FGD5: variants seen among roughly 807,000 people sequenced by gnomAD.
FGD5 encodes the protein FYVE, RhoGEF and PH domain-containing protein 5.
FGD5 carries 28 observed loss-of-function variants against 133.4 expected under a neutral mutation model. That is an observed-to-expected ratio of 0.21 (90% CI 0.16 to 0.29). The LOEUF is 0.29. Among genes scored for constraint, FGD5 ranks in the 10% least tolerant of loss-of-function variants. FGD5 has a pLI of 1.00. For synonymous variants in FGD5, 810 were observed against 776.5 expected, an observed-to-expected ratio of 1.04 and a Z score of -0.72; for missense variants, 1,858 against 1,895.2, an observed-to-expected ratio of 0.98 and a Z score of 0.36.
intron 1 of FGD5, among the ~76,000 whole-genome samples, chr3:14,842,268 G>A (rs1450529529): frequency 3.3e-5 from 5 of 152,186 alleles, no homozygotes; most frequent in African/African-American, 1.2e-4. Flanking sequence ...TTTACTGGGG[G>A]ACCAGGAACT....
At chr3:14,933,051 G>C (rs986957173) in intron 19 of FGD5, 80 bp from the exon 20 acceptor site, 1 of 1,477,308 alleles carries the variant, frequency 6.8e-7, no homozygotes, top group Admixed American at 1.9e-5. Flanking sequence ...GAATCTACTA[G>C]TCCAGTCTTT....
chr3:14,822,474 G>A (rs555438447), intron 1 of FGD5, among the ~76,000 whole-genome samples: 1 of 151,138 alleles, frequency 6.6e-6, no homozygotes, highest in South Asian at 2.1e-4. Context: ...GTCTTTAAGA[G>A]CTACATCCAA....
intron 11 of FGD5, among the ~76,000 whole-genome samples, chr3:14,916,445 T>C (rs1316715315): frequency 6.6e-6 from 1 of 152,180 alleles, no homozygotes; most frequent in African/African-American, 2.4e-5. Flanking sequence ...TCAACAAATA[T>C]TAATTGAGCA....
intron 4 of FGD5, among the ~76,000 whole-genome samples, chr3:14,891,063 T>C (rs2038016366): frequency 6.6e-6 from 1 of 152,162 alleles, no homozygotes; most frequent in South Asian, 2.1e-4. Flanking sequence ...TGTCAGACAA[T>C]GCCCACACAA....
intron 11 of FGD5, among the ~76,000 whole-genome samples, chr3:14,911,792 C>T (rs939984351): frequency 6.8e-6 from 1 of 147,602 alleles, no homozygotes; most frequent in African/African-American, 2.5e-5. Context: ...TCTCGGGTGC[C>T]GTGGAAGCAA....
At chr3:14,826,645 TTAAG>T (rs1452550283) in intron 1 of FGD5, among the ~76,000 whole-genome samples, 1 of 152,236 alleles carries the variant, frequency 6.6e-6, no homozygotes, top group Non-Finnish European at 1.5e-5. Flanking sequence ...TTAGCTGTTA[TTAAG>T]TGACATGACC....
chr3:14,909,393 C>T (rs1393390069), intron 10 of FGD5, among the ~76,000 whole-genome samples: 1 of 152,194 alleles, frequency 6.6e-6, no homozygotes, highest in Non-Finnish European at 1.5e-5. Flanking sequence ...AACAATAGTT[C>T]CACGGGTCAA....
At chr3:14,880,129 T>C (rs1342990026) in intron 2 of FGD5, among the ~76,000 whole-genome samples, 4 of 152,136 alleles carry the variant, frequency 2.6e-5, no homozygotes, top group African/African-American at 9.7e-5. Flanking sequence ...AGCGGATTGC[T>C]TGAGCCCAGG....
At chr3:14,870,708 C>T (rs1293175084) in intron 2 of FGD5, among the ~76,000 whole-genome samples, 1 of 152,216 alleles carries the variant, frequency 6.6e-6, no homozygotes, top group Non-Finnish European at 1.5e-5. Context: ...CCAGAGCACA[C>T]CATCTGGCCT....
intron 11 of FGD5, among the ~76,000 whole-genome samples, chr3:14,916,668 A>G (rs781009494): frequency 6.6e-5 from 10 of 152,188 alleles, no homozygotes; most frequent in Non-Finnish European, 1.5e-4. Context: ...AACATTTCCA[A>G]CCTCCAGAAA....
chr3:14,825,079 T>C (rs982745478), intron 1 of FGD5, among the ~76,000 whole-genome samples: 3 of 152,174 alleles, frequency 2.0e-5, no homozygotes, highest in African/African-American at 7.2e-5. Flanking sequence ...AGAAACAGCA[T>C]ATAATAGAAT....
At chr3:14,923,811 G>T (rs1287377557) in intron 16 of FGD5, among the ~76,000 whole-genome samples, 197 bp from the exon 17 acceptor site, 1 of 152,202 alleles carries the variant, frequency 6.6e-6, no homozygotes, top group African/African-American at 2.4e-5. Flanking sequence ...CAGCGCCCTG[G>T]AAAAGCGTCC....
chr3:14,838,337 CA>C (rs2036856558), intron 1 of FGD5, among the ~76,000 whole-genome samples: 1 of 152,182 alleles, frequency 6.6e-6, no homozygotes, highest in Admixed American at 6.5e-5. Context: ...CCCAGATAAC[CA>C]AGGGTAATCT....
chr3:14,833,463 C>T (rs2036757286), intron 1 of FGD5, among the ~76,000 whole-genome samples: 1 of 152,196 alleles, frequency 6.6e-6, no homozygotes, highest in Non-Finnish European at 1.5e-5. Context: ...TCCTCTGATA[C>T]AGTGAGACTT....
Position 14,881,995 on chromosome 3 carries a change from G to A in FGD5, c.2748+1223G>A, listed in dbSNP as rs563367642. Among the ~76,000 whole-genome samples, 3 of 152,306 alleles carry A rather than the reference G, an allele frequency of 2.0e-5. No individual in the cohort carries two copies. The East Asian group carries it at 5.8e-4, about 29-fold the overall frequency. ...CTGGCATCACATCCCCACATGAGCT[G>A]ATAGCAGCCAGGACCCCAGGAGGGC... On this transcript the variant is annotated intron_variant, in intron 4 of 19. Coordinates refer to ENST00000285046, the MANE Select transcript of FGD5 (RefSeq NM_152536.4).
intron 13 of FGD5, among the ~76,000 whole-genome samples, chr3:14,919,195 C>T (rs1193465579): frequency 3.3e-5 from 5 of 152,174 alleles, no homozygotes. Context: ...GTATTGTGTG[C>T]TGCTGTTCAT....
chr3:14,910,532 A>G (rs952424775), intron 10 of FGD5, among the ~76,000 whole-genome samples: 6 of 152,142 alleles, frequency 3.9e-5, no homozygotes, highest in Non-Finnish European at 8.8e-5. Flanking sequence ...CATGGCACCC[A>G]GCCTGATTTT....
At chr3:14,822,132 A>G (rs999831112) in intron 1 of FGD5, among the ~76,000 whole-genome samples, 1 of 152,144 alleles carries the variant, frequency 6.6e-6, no homozygotes, top group Non-Finnish European at 1.5e-5. Context: ...GAAAAAGAAA[A>G]AAGAAAATCA....
At chr3:14,884,039 G>C (rs1476674166) in intron 4 of FGD5, among the ~76,000 whole-genome samples, 1 of 152,200 alleles carries the variant, frequency 6.6e-6, no homozygotes, top group Admixed American at 6.5e-5. Context: ...AAGCCAGGTA[G>C]GAGGTAGGAT....
Sources: allele counts gnomAD v4.1 joint callset (sites outside exome capture counted in the v4.1 genomes callset), GRCh38; gene constraint gnomAD v4.1.1; transcripts MANE v1.5; gene names NCBI Gene and HGNC (gene_info 2026-07-23, HGNC 2026-07-21).